The following KCNC2 variants were observed in gnomAD, a reference collection of about 807,000 sequenced individuals.
KCNC2 encodes the protein potassium voltage-gated channel subfamily C member 2.
A neutral mutation model predicts 44.5 loss-of-function variants in KCNC2; 21 were observed. The observed-to-expected ratio is 0.47, with a 90% confidence interval of 0.33 to 0.68. The LOEUF (loss-of-function observed/expected upper bound fraction) is 0.68, where lower values mean the gene tolerates loss of function less well. Among genes scored for constraint, KCNC2 ranks in the 30% least tolerant of loss-of-function variants. The pLI, the probability that KCNC2 is intolerant of heterozygous loss-of-function variation, is 0.01. For synonymous variants in KCNC2, 391 were observed against 339.1 expected (o/e 1.15, Z -1.68); for missense variants, 589 against 826.2 (o/e 0.71, Z 3.52).
At chr12:75,119,080 C>A (rs1260501781) in intron 2 of KCNC2, among the ~76,000 whole-genome samples, 18 of 152,122 alleles carry the variant, frequency 1.2e-4, no homozygotes, top group Admixed American at 1.2e-3. Context: ...AACAACGAAC[C>A]AATTAATTGA....
At chr12:75,075,458 CAT>C (rs5799200) in intron 2 of KCNC2, among the ~76,000 whole-genome samples, 28 of 145,600 alleles carry the variant, frequency 1.9e-4, no homozygotes, top group African/African-American at 6.7e-4. Context: ...TATATATATA[CAT>C]ATATATATAT....
At chr12:75,148,744 T>C (rs1890192856) in intron 2 of KCNC2, among the ~76,000 whole-genome samples, 1 of 151,958 alleles carries the variant, frequency 6.6e-6, no homozygotes, top group African/African-American at 2.4e-5. Context: ...GCCAATTTCT[T>C]TAAAGAACAT....
chr12:75,156,056 G>A (rs1284820943), intron 2 of KCNC2, among the ~76,000 whole-genome samples: 6 of 151,800 alleles, frequency 4.0e-5, no homozygotes, highest in Non-Finnish European at 1.5e-5. Flanking sequence ...CAGGTCACCA[G>A]GAGAGAAAGT....
rs1009004422 is a variant in KCNC2 at position 75,040,327 on chromosome 12, C to G, written c.*2778G>C. On this transcript the variant is annotated 3_prime_UTR_variant, in exon 5 of 5. Transcript: ENST00000549446. ...ATGTAAAAATCTTATACAGTTTCAT[C>G]TACAACAGTTTTAAAGACACGTACA... 1 of 151,940 alleles carries G rather than the reference C, an allele frequency of 6.6e-6. No homozygotes were observed. The highest frequency in any genetic ancestry group is 1.5e-5 in the Non-Finnish European group (1 of 67,940). 9.4% of individuals were successfully genotyped at this position (151,940 alleles called of 1,614,324 possible). A position where few individuals can be genotyped will look rare whatever the true frequency, so the allele number is the denominator to read the frequency against.
At chr12:75,100,800 A>T (rs1246476195) in intron 2 of KCNC2, among the ~76,000 whole-genome samples, 1 of 152,036 alleles carries the variant, frequency 6.6e-6, no homozygotes, top group Non-Finnish European at 1.5e-5. Flanking sequence ...ATATTTCTAC[A>T]GATTTAGCTA....
intron 2 of KCNC2, among the ~76,000 whole-genome samples, chr12:75,071,677 C>T (rs879496301): frequency 2.0e-5 from 3 of 152,086 alleles, no homozygotes; most frequent in African/African-American, 7.2e-5. Context: ...CTTGGCCAGA[C>T]GCGGTGGCTC....
At chr12:75,143,742 C>T (rs1388141042) in intron 2 of KCNC2, among the ~76,000 whole-genome samples, 3 of 152,134 alleles carry the variant, frequency 2.0e-5, no homozygotes, top group Non-Finnish European at 2.9e-5. Flanking sequence ...TTTTAAAAAA[C>T]ATCTAGTGAG....
chr12:75,170,122 C>T (rs1165687757), intron 2 of KCNC2, among the ~76,000 whole-genome samples: 2 of 151,664 alleles, frequency 1.3e-5, no homozygotes, highest in Non-Finnish European at 3.0e-5. Context: ...GGTGAAGTCA[C>T]TAGAATTCCA....
At chr12:75,063,621 C>T (rs1205077032) in intron 2 of KCNC2, among the ~76,000 whole-genome samples, 2 of 151,970 alleles carry the variant, frequency 1.3e-5, no homozygotes, top group African/African-American at 4.8e-5. Context: ...GCAGAATTTA[C>T]TAGAGGACAG....
chr12:75,183,906 C>T (rs912288222), intron 2 of KCNC2, among the ~76,000 whole-genome samples: 1 of 152,126 alleles, frequency 6.6e-6, no homozygotes, highest in Non-Finnish European at 1.5e-5. Flanking sequence ...TCCATTCCAC[C>T]TCTCAGATTC....
At chr12:75,098,795 AT>A (rs1886145884) in intron 2 of KCNC2, among the ~76,000 whole-genome samples, 1 of 152,032 alleles carries the variant, frequency 6.6e-6, no homozygotes, top group South Asian at 2.1e-4. Flanking sequence ...TAAAGGAATG[AT>A]ATCTCAGCAA....
chr12:75,153,554 C>T (rs1458599), intron 2 of KCNC2, among the ~76,000 whole-genome samples: 25,722 of 151,484 alleles, frequency 0.17, 2,489 homozygotes, highest in Middle Eastern at 0.29. Flanking sequence ...ACTAAAAGCC[C>T]AGTCTTCACC....
chr12:75,196,344 C>T (rs1432570379), intron 2 of KCNC2, among the ~76,000 whole-genome samples: 3 of 152,046 alleles, frequency 2.0e-5, no homozygotes, highest in African/African-American at 7.2e-5. Flanking sequence ...AGAATCCACA[C>T]AGAAAATCTC....
intron 2 of KCNC2, 123 bp from the exon 3 acceptor site, chr12:75,051,440 T>G: frequency 1.6e-6 from 1 of 618,262 alleles, no homozygotes; most frequent in Non-Finnish European, 2.8e-6. Flanking sequence ...GAGGTTTCAC[T>G]TGGATATGAC....
intron 2 of KCNC2, among the ~76,000 whole-genome samples, chr12:75,127,391 A>G (rs1246727602): frequency 6.6e-6 from 1 of 152,190 alleles, no homozygotes; most frequent in Non-Finnish European, 1.5e-5. Context: ...GACAACAGGC[A>G]GTCTCAATAG....
chr12:75,144,813 T>C (rs1410234628), intron 2 of KCNC2, among the ~76,000 whole-genome samples: 1 of 152,042 alleles, frequency 6.6e-6, no homozygotes, highest in South Asian at 2.1e-4. Context: ...TTGTCTACGG[T>C]GAATGGTTTC....
rs151006336 is a variant in KCNC2 at position 75,070,341 on chromosome 12, C to G, written c.688-19024G>C. Among the ~76,000 whole-genome samples, 260 of 150,426 alleles carry G rather than the reference C, an allele frequency of 1.7e-3. 1 individual carries two copies. The highest frequency in any genetic ancestry group is 5.6e-3 in the African/African-American group (226 of 40,004). ...TGGTGCCTGTCTGTAATCCCAGCTA[C>G]TGGGGAGGCTGAGGCAGGAGAATCA... is the stretch of plus-strand genomic sequence containing the variant. On this transcript the variant is annotated intron_variant, in intron 2 of 4. Coordinates refer to ENST00000549446, the MANE Select transcript of KCNC2 (RefSeq NM_139137.4).
chr12:75,065,291 A>G (rs1031769985), intron 2 of KCNC2, among the ~76,000 whole-genome samples: 11 of 152,078 alleles, frequency 7.2e-5, no homozygotes, highest in African/African-American at 2.2e-4. Context: ...TTATTCATTC[A>G]GTTTCTTCAA....
Position 75,043,095 on chromosome 12 carries a change from GT to G in KCNC2, c.*9del. On this transcript the variant is annotated 3_prime_UTR_variant, in exon 5 of 5. Transcript: ENST00000549446. Reference sequence around the variant, plus strand: ...CAATTTAGCCGACTGATGCAGTTTGGTTGTTTGGTTTACAAGATAGATGGGA... The same window carrying G: ...CAATTTAGCCGACTGATGCAGTTTGGTGTTTGGTTTACAAGATAGATGGGA... 6.2e-7 allele frequency: 1 copy of G among 1,611,112 alleles called. No individual in the cohort carries two copies. The highest frequency in any genetic ancestry group is 8.5e-7 in the Non-Finnish European group (1 of 1,178,428).
Sources: allele counts gnomAD v4.1 joint callset (sites outside exome capture counted in the v4.1 genomes callset), GRCh38; gene constraint gnomAD v4.1.1; transcripts MANE v1.5; gene names NCBI Gene and HGNC (gene_info 2026-07-23, HGNC 2026-07-21).